Variants in NEDD1 observed in about 807,000 individuals in gnomAD.
The protein encoded by NEDD1 is protein NEDD1.
NEDD1 carries 33 observed loss-of-function variants against 74.0 expected under a neutral mutation model. The ratio of observed to expected loss-of-function variants is 0.45; its 90% CI spans 0.34 to 0.60. The LOEUF is 0.60. Ranked by LOEUF, NEDD1 falls within the 20% of genes least tolerant of loss-of-function variation. The pLI is 0.01. For synonymous variants in NEDD1, 250 were observed against 264.4 expected (o/e 0.95, Z 0.53); for missense variants, 746 against 776.5 (o/e 0.96, Z 0.47).
rs867288872 is a variant in NEDD1 at position 96,940,431 on chromosome 12, A to G, written c.1140A>G (p.Thr380=). The part of the protein sequence containing the change: ...EKAGLPRSIN[T]DTLSKETDSG... ...AAGGTTTGCCTCGAAGCATAAACAC[A>G]GACACTTTATCTAAGGAAACAGACA... The change falls in exon 10 of 16, where the codon ACA becomes ACG. Residue 380 remains threonine (T), a synonymous_variant. Coordinates refer to ENST00000266742, the MANE Select transcript of NEDD1 (RefSeq NM_152905.4). 1.3e-6 allele frequency: 2 copies of G among 1,598,408 alleles called. No homozygotes were observed. Among genetic ancestry groups the G allele is most frequent in the Non-Finnish European group, 1.7e-6 (2 of 1,167,132 alleles).
At chr12:96,922,810 A>T (rs773279632) in intron 6 of NEDD1, among the ~76,000 whole-genome samples, 2 of 152,172 alleles carry the variant, frequency 1.3e-5, no homozygotes, top group Non-Finnish European at 2.9e-5. Context: ...TCACTACCTC[A>T]TATTTTATGA....
At chr12:96,907,464 C>A in intron 1 of NEDD1, 140 bp from the exon 2 acceptor site, 1 of 710,984 alleles carries the variant, frequency 1.4e-6, no homozygotes, top group Non-Finnish European at 2.4e-6. Context: ...GCGCGCTGGG[C>A]TGGGAAGTGT....
chr12:96,941,785 T>C (rs942083707), intron 10 of NEDD1, among the ~76,000 whole-genome samples: 1 of 152,156 alleles, frequency 6.6e-6, no homozygotes, highest in Non-Finnish European at 1.5e-5. Context: ...TTAAAAATGT[T>C]ACTAGCATTT....
chr12:96,948,522 C>T (rs997956261), intron 14 of NEDD1, among the ~76,000 whole-genome samples: 2 of 152,064 alleles, frequency 1.3e-5, no homozygotes, highest in African/African-American at 4.8e-5. Context: ...CCATTCTCAG[C>T]TCTCGGTTGA....
intron 14 of NEDD1, among the ~76,000 whole-genome samples, chr12:96,946,691 A>C (rs1878231250): frequency 6.6e-6 from 1 of 152,234 alleles, no homozygotes; most frequent in South Asian, 2.1e-4. Flanking sequence ...TAGTTGGGCT[A>C]GGTGCAGTGT....
At position 96,915,415 on chromosome 12, in the gene NEDD1, CTT is replaced by C. The variant is rs375169575; in HGVS notation, c.232-2203_232-2202del. 5.0e-3 allele frequency among the ~76,000 whole-genome samples: 755 copies of C among 152,290 alleles called. 10 individuals are homozygous for C. Among genetic ancestry groups the C allele is most frequent in the African/African-American group, 0.017 (706 of 41,548 alleles). On this transcript the variant is annotated intron_variant, in intron 4 of 15. Transcript: ENST00000266742. ...ATCATATGCACCCTTTAAAGAATCT[CTT>C]TTGAGCAGAGGATATTTCTGAGAAG...
intron 8 of NEDD1, 50 bp downstream of exon 8, chr12:96,936,862 T>A: frequency 8.7e-7 from 1 of 1,154,948 alleles, no homozygotes; most frequent in Non-Finnish European, 1.3e-6. Context: ...TAAATCTAAC[T>A]CAGAATATGG....
At chr12:96,922,754 T>C (rs144771840) in intron 6 of NEDD1, among the ~76,000 whole-genome samples, 109 of 152,330 alleles carry the variant, frequency 7.2e-4, no homozygotes, top group East Asian at 4.4e-3. Context: ...AATCAAGATA[T>C]AGAACATTGC....
chr12:96,908,797 G>C (rs1489937542), intron 2 of NEDD1, among the ~76,000 whole-genome samples: 1 of 152,174 alleles, frequency 6.6e-6, no homozygotes, highest in Non-Finnish European at 1.5e-5. Context: ...TTACTTATTA[G>C]TAGTTATTTG....
At chr12:96,909,681 G>A (rs921357664) in intron 2 of NEDD1, 71 bp from the exon 3 acceptor site, 11 of 1,261,764 alleles carry the variant, frequency 8.7e-6, no homozygotes, top group Non-Finnish European at 1.1e-5. Context: ...TTTTAGATTA[G>A]ATTTTGACCT....
At chr12:96,917,553 G>A in intron 4 of NEDD1, 68 bp from the exon 5 acceptor site, 1 of 1,437,464 alleles carries the variant, frequency 7.0e-7, no homozygotes, top group Non-Finnish European at 9.1e-7. Flanking sequence ...CTAAGTGTTG[G>A]ATGAGACCTG....
chr12:96,911,393 T>G (rs1873902661), intron 3 of NEDD1, among the ~76,000 whole-genome samples: 1 of 152,230 alleles, frequency 6.6e-6, no homozygotes, highest in African/African-American at 2.4e-5. Context: ...GTCTTACAGT[T>G]TTCTTGCATG....
At chr12:96,926,994 G>A (rs554770532) in intron 6 of NEDD1, among the ~76,000 whole-genome samples, 9,863 of 151,448 alleles carry the variant, frequency 0.065, 449 homozygotes, top group Admixed American at 0.13. Flanking sequence ...AAAATTGTGT[G>A]TGTGTGTGTG....
intron 9 of NEDD1, 41 bp downstream of exon 9, chr12:96,937,434 TTTTTTTG>T: frequency 4.5e-6 from 5 of 1,100,742 alleles, no homozygotes; most frequent in Non-Finnish European, 6.2e-6. Context: ...TGGTTTGTTT[TTTTTTTG>T]TTTTTTTGTT....
chr12:96,911,776 G>C (rs4762338), intron 3 of NEDD1, among the ~76,000 whole-genome samples: 1,527 of 152,188 alleles, frequency 0.01, 69 homozygotes, highest in East Asian at 0.095. Flanking sequence ...ATCTAGGTAG[G>C]AATGATTTGA....
chr12:96,944,890 CT>C, intron 13 of NEDD1, 95 bp downstream of exon 13: 2 of 932,400 alleles, frequency 2.1e-6, no homozygotes, highest in Non-Finnish European at 1.6e-6. Context: ...TAATCATAGA[CT>C]AAAAATGTTC....
chr12:96,908,149 G>A (rs1873522957), intron 2 of NEDD1, among the ~76,000 whole-genome samples: 1 of 152,190 alleles, frequency 6.6e-6, no homozygotes, highest in Non-Finnish European at 1.5e-5. Context: ...ACATGTTTAA[G>A]GCTCCAAATC....
chr12:96,944,495 T>C (rs903968326), intron 12 of NEDD1, 144 bp from the exon 13 acceptor site: 30 of 458,684 alleles, frequency 6.5e-5, no homozygotes, highest in East Asian at 4.3e-4. Flanking sequence ...TCTTTTTCTT[T>C]TTCTTCTTCT....
At chr12:96,923,725 G>T (rs1565793106) in intron 6 of NEDD1, among the ~76,000 whole-genome samples, 2 of 151,244 alleles carry the variant, frequency 1.3e-5, no homozygotes, top group Admixed American at 1.3e-4. Context: ...TCATTTTGGG[G>T]ATATGCATGT....
Sources: gnomAD v4.1 joint callset for allele counts (sites outside exome capture counted in the v4.1 genomes callset) on GRCh38, gnomAD v4.1.1 for gene constraint, MANE v1.5 for transcripts, NCBI Gene and HGNC (gene_info 2026-07-23, HGNC 2026-07-21) for gene names.